Variants in CNTNAP2 observed in about 807,000 individuals in gnomAD.
The protein encoded by CNTNAP2 is contactin-associated protein-like 2.
Under a neutral mutation model 155.2 loss-of-function variants are expected in CNTNAP2, and 98 were observed. That is an observed-to-expected ratio of 0.63 (90% confidence interval 0.54 to 0.75). The LOEUF is 0.75. Ranked by LOEUF, CNTNAP2 falls within the 30% of genes least tolerant of loss-of-function variation. CNTNAP2 has a pLI of 0.00. For synonymous variants in CNTNAP2, 651 were observed against 631.2 expected (o/e 1.03, Z -0.47); for missense variants, 1,727 against 1,688.1 (o/e 1.02, Z -0.40).
At chr7:147,795,268 T>A (rs1331639793) in intron 13 of CNTNAP2, among the ~76,000 whole-genome samples, 1 of 152,082 alleles carries the variant, frequency 6.6e-6, no homozygotes, top group Non-Finnish European at 1.5e-5. Flanking sequence ...AATAGTTGAA[T>A]CTTGTTTTTT....
At chr7:147,032,632 C>T (rs769858536) in intron 3 of CNTNAP2, among the ~76,000 whole-genome samples, 9 of 144,210 alleles carry the variant, frequency 6.2e-5, no homozygotes, top group African/African-American at 1.0e-4. Context: ...TATAGTAAAA[C>T]GCTGGAAAGA....
chr7:147,143,901 A>G (rs573023032), intron 8 of CNTNAP2, among the ~76,000 whole-genome samples: 4 of 152,352 alleles, frequency 2.6e-5, no homozygotes, highest in African/African-American at 9.6e-5. Flanking sequence ...CCTTGAAATT[A>G]GTCATATTCC....
intron 9 of CNTNAP2, among the ~76,000 whole-genome samples, chr7:147,338,032 TGTTA>T (rs938517355): frequency 1.1e-4 from 16 of 152,290 alleles, no homozygotes; most frequent in African/African-American, 2.9e-4. Flanking sequence ...TAGGCTACTG[TGTTA>T]GTTAGTTCTC....
intron 9 of CNTNAP2, among the ~76,000 whole-genome samples, chr7:147,362,986 A>G (rs1797315790): frequency 6.6e-6 from 1 of 152,220 alleles, no homozygotes; most frequent in Admixed American, 6.5e-5. Context: ...TTCAGTGATG[A>G]CTGAATCAGA....
intron 20 of CNTNAP2, among the ~76,000 whole-genome samples, chr7:148,255,837 G>C (rs775021079): frequency 1.1e-4 from 17 of 151,986 alleles, no homozygotes; most frequent in Non-Finnish European, 2.2e-4. Context: ...TTTCTCTCTC[G>C]AGCCTTAAGC....
chr7:147,733,739 T>C (rs13228419), intron 13 of CNTNAP2, among the ~76,000 whole-genome samples: 94,824 of 151,978 alleles, frequency 0.62, 31,346 homozygotes, highest in East Asian at 0.9. Context: ...CTTCACATCC[T>C]TTGTAAGTTG....
intron 10 of CNTNAP2, among the ~76,000 whole-genome samples, chr7:147,412,673 C>T (rs1413631223): frequency 6.6e-6 from 1 of 151,950 alleles, no homozygotes; most frequent in Non-Finnish European, 1.5e-5. Flanking sequence ...TAAAAAAGGA[C>T]TATGAAATTA....
At chr7:147,563,343 A>G (rs972556574) in intron 12 of CNTNAP2, among the ~76,000 whole-genome samples, 2 of 152,170 alleles carry the variant, frequency 1.3e-5, no homozygotes, top group Non-Finnish European at 2.9e-5. Context: ...TAACTTGCCC[A>G]TATTAGACCA....
chr7:146,469,942 C>T (rs574825525), intron 1 of CNTNAP2, among the ~76,000 whole-genome samples: 16 of 151,708 alleles, frequency 1.1e-4, no homozygotes, highest in South Asian at 8.3e-4. Context: ...CGGGTTCACG[C>T]GGTTCTCCTG....
At chr7:146,641,009 C>A (rs1443545234) in intron 1 of CNTNAP2, among the ~76,000 whole-genome samples, 1 of 152,118 alleles carries the variant, frequency 6.6e-6, no homozygotes, top group East Asian at 1.9e-4. Flanking sequence ...GGTATAGCAG[C>A]CTTCCAATAG....
intron 8 of CNTNAP2, among the ~76,000 whole-genome samples, chr7:147,188,689 A>G (rs548313003): frequency 2.8e-4 from 43 of 152,324 alleles, no homozygotes; most frequent in African/African-American, 9.6e-4. Context: ...TGGAGAAGGA[A>G]GAAGTCCACA....
chr7:147,046,688 C>A (rs1394299543), intron 4 of CNTNAP2, among the ~76,000 whole-genome samples: 3 of 152,046 alleles, frequency 2.0e-5, no homozygotes, highest in Non-Finnish European at 4.4e-5. Flanking sequence ...GTCTCCAATG[C>A]AATTAACTGG....
chr7:147,984,253 C>G (rs1456176749), intron 15 of CNTNAP2, among the ~76,000 whole-genome samples: 4 of 152,258 alleles, frequency 2.6e-5, no homozygotes, highest in African/African-American at 9.6e-5. Flanking sequence ...TCAGCAAGGT[C>G]TTTGTAACCT....
intron 1 of CNTNAP2, among the ~76,000 whole-genome samples, chr7:146,483,282 A>AAAAATAT (rs1178407767): frequency 1.5e-4 from 6 of 39,878 alleles, no homozygotes; most frequent in Non-Finnish European, 2.0e-4. Context: ...TCTAAAAAAA[A>AAAAATAT]ATATATATAT....
chr7:147,749,386 T>TAAA (rs1797097753), intron 13 of CNTNAP2, among the ~76,000 whole-genome samples: 1 of 152,184 alleles, frequency 6.6e-6, no homozygotes, highest in African/African-American at 2.4e-5. Flanking sequence ...TTCCCATTTT[T>TAAA]TACTTTCATA....
intron 3 of CNTNAP2, among the ~76,000 whole-genome samples, chr7:146,915,552 T>C (rs1032092790): frequency 6.6e-6 from 1 of 151,746 alleles, no homozygotes; most frequent in African/African-American, 2.4e-5. Flanking sequence ...ATATTCTAAG[T>C]TTTTTTGTTC....
At chr7:147,195,646 C>A (rs537857730) in intron 8 of CNTNAP2, among the ~76,000 whole-genome samples, 2 of 151,948 alleles carry the variant, frequency 1.3e-5, no homozygotes, top group South Asian at 4.2e-4. Context: ...CCCTTGTTAA[C>A]TATATTCCTA....
chr7:146,579,802 T>C (rs558784861), intron 1 of CNTNAP2, among the ~76,000 whole-genome samples: 3 of 152,162 alleles, frequency 2.0e-5, no homozygotes, highest in East Asian at 1.9e-4. Context: ...CTCAGTGTCA[T>C]ATAATGTAAA....
intron 9 of CNTNAP2, among the ~76,000 whole-genome samples, chr7:147,352,529 T>G (rs2116880706): frequency 6.6e-6 from 1 of 152,138 alleles, no homozygotes; most frequent in East Asian, 1.9e-4. Flanking sequence ...TTGAACTAGC[T>G]CTACAGTTTT....
Sources: gnomAD v4.1 joint callset for allele counts (sites outside exome capture counted in the v4.1 genomes callset) on GRCh38, gnomAD v4.1.1 for gene constraint, MANE v1.5 for transcripts, NCBI Gene and HGNC (gene_info 2026-07-23, HGNC 2026-07-21) for gene names.